Variants in PPARGC1A observed in about 807,000 individuals in gnomAD.
PPARGC1A encodes peroxisome proliferator-activated receptor gamma coactivator 1-alpha.
Under a neutral mutation model 88.7 loss-of-function variants are expected in PPARGC1A, and 25 were observed. The ratio of observed to expected loss-of-function variants is 0.28; its 90% CI spans 0.21 to 0.39. The LOEUF (loss-of-function observed/expected upper bound fraction) is 0.39. Among genes scored for constraint, PPARGC1A ranks in the 10% least tolerant of loss-of-function variants. PPARGC1A has a pLI of 1.00. For synonymous variants in PPARGC1A, 363 were observed against 355.6 expected, an observed-to-expected ratio of 1.02 and a Z score of -0.24; for missense variants, 880 against 968.7, an observed-to-expected ratio of 0.91 and a Z score of 1.22.
upstream of PPARGC1A, among the ~76,000 whole-genome samples, chr4:23,894,636 A>T (rs1487748160): frequency 6.6e-6 from 1 of 152,158 alleles, no homozygotes; most frequent in African/African-American, 2.4e-5. Context: ...CCTTCTGCAG[A>T]CCGGCTCTAT....
chr4:23,983,329 T>C, the PPARGC1A span, among the ~76,000 whole-genome samples: 1 of 152,182 alleles, frequency 6.6e-6, no homozygotes, highest in Non-Finnish European at 1.5e-5. Context: ...CACTACTGAA[T>C]GCATGAAGGA....
chr4:24,144,079 G>T, the PPARGC1A span, among the ~76,000 whole-genome samples: 1 of 152,210 alleles, frequency 6.6e-6, no homozygotes, highest in Admixed American at 6.5e-5. Flanking sequence ...GGATGACGAA[G>T]GAAGAATGAT....
the PPARGC1A span, among the ~76,000 whole-genome samples, chr4:24,031,782 T>C: frequency 6.6e-6 from 1 of 152,340 alleles, no homozygotes; most frequent in South Asian, 2.1e-4. Flanking sequence ...CAGTAGATGA[T>C]AGTTCCCCTG....
intron 7 of PPARGC1A, among the ~76,000 whole-genome samples, chr4:23,816,984 G>A (rs1722103656): frequency 6.6e-6 from 1 of 152,072 alleles, no homozygotes. Context: ...AGAATCACTT[G>A]GGAAACCGGG....
At chr4:23,829,045 C>T (rs577278190) in intron 4 of PPARGC1A, among the ~76,000 whole-genome samples, 43 of 152,304 alleles carry the variant, frequency 2.8e-4, no homozygotes, top group African/African-American at 1.0e-3. Context: ...GCATTGCCAG[C>T]ATTCCATCCA....
At chr4:23,907,714 A>C (rs1216012729), upstream of PPARGC1A, among the ~76,000 whole-genome samples, 1 of 149,960 alleles carries the variant, frequency 6.7e-6, no homozygotes, top group African/African-American at 2.5e-5. Flanking sequence ...CGCACTATAT[A>C]AATGCCCTTT....
chr4:24,151,917 A>G, the PPARGC1A span, among the ~76,000 whole-genome samples: 3 of 152,244 alleles, frequency 2.0e-5, no homozygotes, highest in East Asian at 1.9e-4. Flanking sequence ...CAAACTCAAT[A>G]AAACTCAGAG....
chr4:23,865,109 T>C (rs34680509), intron 2 of PPARGC1A, among the ~76,000 whole-genome samples: 3 of 152,176 alleles, frequency 2.0e-5, no homozygotes, highest in African/African-American at 7.2e-5. Flanking sequence ...CACTTGAACC[T>C]GGGAGGTGGA....
At chr4:24,255,727 ATAAG>A in the PPARGC1A span, among the ~76,000 whole-genome samples, 2 of 152,194 alleles carry the variant, frequency 1.3e-5, no homozygotes, top group Non-Finnish European at 2.9e-5. Flanking sequence ...CTTCTCCCAA[ATAAG>A]TAAGAGTTAG....
chr4:24,250,281 G>T, the PPARGC1A span, among the ~76,000 whole-genome samples: 1 of 152,330 alleles, frequency 6.6e-6, no homozygotes, highest in East Asian at 1.9e-4. Context: ...TAACACCTGT[G>T]CTCATTTGCT....
chr4:23,937,306 A>G, the PPARGC1A span, among the ~76,000 whole-genome samples: 3 of 152,166 alleles, frequency 2.0e-5, no homozygotes, highest in East Asian at 3.9e-4. Context: ...TTAATCTTCA[A>G]AATATCCCCA....
At chr4:24,294,357 A>G in the PPARGC1A span, among the ~76,000 whole-genome samples, 3 of 152,196 alleles carry the variant, frequency 2.0e-5, no homozygotes, top group African/African-American at 7.2e-5. Context: ...TTTAAAATGT[A>G]TATTACAGTT....
the PPARGC1A span, among the ~76,000 whole-genome samples, chr4:24,024,360 C>T: frequency 1.3e-5 from 2 of 152,170 alleles, no homozygotes; most frequent in African/African-American, 2.4e-5. Flanking sequence ...ATGCAATGTG[C>T]GTCTGATTCC....
At chr4:23,846,699 T>G (rs1728387935) in intron 2 of PPARGC1A, among the ~76,000 whole-genome samples, 1 of 152,248 alleles carries the variant, frequency 6.6e-6, no homozygotes, top group East Asian at 1.9e-4. Context: ...ACTGGGGATA[T>G]AGCGATGAAC....
the PPARGC1A span, among the ~76,000 whole-genome samples, chr4:24,199,386 A>ATAATAC: frequency 6.6e-6 from 1 of 152,180 alleles, no homozygotes; most frequent in Non-Finnish European, 1.5e-5. Flanking sequence ...AATAATAATA[A>ATAATAC]TAATACGTGA....
At chr4:24,154,284 G>A in the PPARGC1A span, among the ~76,000 whole-genome samples, 1 of 152,182 alleles carries the variant, frequency 6.6e-6, no homozygotes, top group East Asian at 1.9e-4. Flanking sequence ...CCAAGCCCCT[G>A]TTGGACAGCA....
chr4:23,848,412 C>T (rs894142839), intron 2 of PPARGC1A, among the ~76,000 whole-genome samples: 1 of 152,118 alleles, frequency 6.6e-6, no homozygotes, highest in East Asian at 1.9e-4. Flanking sequence ...TAACCCTCTC[C>T]CAGAGTCCTC....
chr4:24,305,930 G>C, the PPARGC1A span, among the ~76,000 whole-genome samples: 1 of 152,124 alleles, frequency 6.6e-6, no homozygotes, highest in African/African-American at 2.4e-5. Flanking sequence ...TAGCTGGCTG[G>C]GTTTGTACAA....
the PPARGC1A span, among the ~76,000 whole-genome samples, chr4:24,036,336 T>C: frequency 1.3e-5 from 2 of 152,212 alleles, no homozygotes; most frequent in African/African-American, 2.4e-5. Context: ...CACTTGGCAG[T>C]GTTTACTAAG....
Sources: allele counts gnomAD v4.1 joint callset (sites outside exome capture counted in the v4.1 genomes callset), GRCh38; gene constraint gnomAD v4.1.1; transcripts MANE v1.5; gene names NCBI Gene and HGNC (gene_info 2026-07-23, HGNC 2026-07-21).